The following SV2C variants were observed in gnomAD, a reference collection of about 807,000 sequenced individuals.
The protein encoded by SV2C is synaptic vesicle glycoprotein 2C.
SV2C carries 49 observed loss-of-function variants against 79.7 expected under a neutral mutation model. The observed-to-expected ratio is 0.61, with a 90% CI of 0.49 to 0.78. The LOEUF is 0.78. Among genes scored for constraint, SV2C ranks in the 30% least tolerant of loss-of-function variants. SV2C has a pLI of 0.00. For synonymous variants in SV2C, 334 were observed against 333.2 expected (o/e 1.00, Z -0.03); for missense variants, 833 against 912.9 (o/e 0.91, Z 1.13).
the SV2C span, among the ~76,000 whole-genome samples, chr5:76,059,726 C>T: frequency 6.6e-6 from 1 of 152,090 alleles, no homozygotes; most frequent in Admixed American, 6.6e-5. Context: ...TTGACTTCCT[C>T]CTATGAATCA....
At chr5:75,955,997 A>G in the SV2C span, among the ~76,000 whole-genome samples, 1 of 149,340 alleles carries the variant, frequency 6.7e-6, no homozygotes, top group African/African-American at 2.5e-5. Context: ...GCGATTCCTC[A>G]GGGATCTAGA....
intron 1 of SV2C, among the ~76,000 whole-genome samples, chr5:76,085,536 T>C (rs984585529): frequency 1.3e-5 from 2 of 150,720 alleles, no homozygotes; most frequent in Admixed American, 6.6e-5. Context: ...GGGGACGGGG[T>C]TGGGAAAAAA....
In SV2C at chr5:76,281,022, T is replaced by G. The variant is rs981509967; in HGVS notation, c.914-4140T>G. ...GGAGGCAGAAATGAGAAACAGTATC[T>G]TAGCCCAAGTTCTAAATCAGTCGGC... On this transcript the variant is annotated intron_variant, in intron 4 of 12. Coordinates refer to ENST00000502798, the MANE Select transcript of SV2C (RefSeq NM_014979.4). The G allele has an allele frequency of 1.1e-5, 6 of 540,374 alleles. No homozygotes were observed. In the African/African-American group the frequency reaches 1.2e-4, roughly 10 times the overall value. The allele number at this position is 540,374 out of a possible 1,614,324, so 33.5% of individuals were successfully genotyped here.
chr5:76,323,551 A>G (rs1200912077), intron 12 of SV2C, among the ~76,000 whole-genome samples: 1 of 152,236 alleles, frequency 6.6e-6, no homozygotes, highest in African/African-American at 2.4e-5. Context: ...TACCCAAAGG[A>G]ATATAAATCA....
intron 1 of SV2C, among the ~76,000 whole-genome samples, chr5:76,089,327 C>G (rs1253546575): frequency 2.0e-5 from 3 of 152,310 alleles, no homozygotes; most frequent in African/African-American, 7.2e-5. Flanking sequence ...TGGCTTTTAG[C>G]TCCATCCATG....
chr5:76,147,981 T>C (rs72773704), intron 2 of SV2C, among the ~76,000 whole-genome samples: 2,334 of 152,328 alleles, frequency 0.015, 27 homozygotes, highest in Non-Finnish European at 0.023. Context: ...TGCTGTCATT[T>C]TAACTGCCCC....
chr5:76,168,114 A>G (rs1255837725), intron 2 of SV2C, among the ~76,000 whole-genome samples: 1 of 152,098 alleles, frequency 6.6e-6, no homozygotes, highest in Non-Finnish European at 1.5e-5. Flanking sequence ...TCTTGACCCT[A>G]AACACAAGCT....
chr5:76,167,122 G>A (rs1743069611), intron 2 of SV2C, among the ~76,000 whole-genome samples: 1 of 152,224 alleles, frequency 6.6e-6, no homozygotes, highest in Admixed American at 6.5e-5. Context: ...CTACCGGAAA[G>A]GAGAATAGGC....
intron 1 of SV2C, among the ~76,000 whole-genome samples, chr5:76,103,502 G>C (rs1300322129): frequency 6.6e-6 from 1 of 152,106 alleles, no homozygotes; most frequent in Non-Finnish European, 1.5e-5. Flanking sequence ...TTAATCTCTG[G>C]AGTTTTCACC....
At chr5:75,911,499 G>C in the SV2C span, 85 of 765,824 alleles carry the variant, frequency 1.1e-4, 1 homozygote, top group Admixed American at 6.4e-4. Flanking sequence ...CCTCTGGAGG[G>C]GGTTCAACCA....
At chr5:76,017,795 T>C in the SV2C span, among the ~76,000 whole-genome samples, 2 of 152,202 alleles carry the variant, frequency 1.3e-5, no homozygotes, top group Non-Finnish European at 2.9e-5. Context: ...CTGCTGTTTC[T>C]GTGTCTGATT....
chr5:75,860,015 C>A, the SV2C span, among the ~76,000 whole-genome samples: 14 of 152,114 alleles, frequency 9.2e-5, no homozygotes, highest in South Asian at 4.1e-4. Context: ...CCCCTAGACC[C>A]GTCTTTTAAA....
chr5:76,143,001 A>G (rs958486857), intron 2 of SV2C, among the ~76,000 whole-genome samples: 12 of 150,814 alleles, frequency 8.0e-5, no homozygotes, highest in African/African-American at 1.5e-4. Flanking sequence ...GGTTCAAGCA[A>G]TTCTCCTGCC....
At chr5:76,132,521 C>T (rs983876572) in intron 2 of SV2C, among the ~76,000 whole-genome samples, 191 bp downstream of exon 2, 8 of 152,170 alleles carry the variant, frequency 5.3e-5, no homozygotes, top group Admixed American at 5.2e-4. Flanking sequence ...ATACCCACCA[C>T]CTAGATTCTG....
chr5:76,213,037 A>T (rs1487928881), intron 4 of SV2C, among the ~76,000 whole-genome samples: 1 of 152,228 alleles, frequency 6.6e-6, no homozygotes, highest in African/African-American at 2.4e-5. Flanking sequence ...GACACAACAA[A>T]ATTAAATGTC....
chr5:76,321,600 G>C (rs561384622), intron 12 of SV2C, among the ~76,000 whole-genome samples: 47 of 152,064 alleles, frequency 3.1e-4, no homozygotes, highest in Admixed American at 9.2e-4. Context: ...AATTAGCTGG[G>C]CATGGTGGTG....
intron 4 of SV2C, among the ~76,000 whole-genome samples, chr5:76,245,389 G>T (rs1745913499): frequency 6.6e-6 from 1 of 152,142 alleles, no homozygotes; most frequent in African/African-American, 2.4e-5. Flanking sequence ...TAGAAGCTCA[G>T]TTCATGCAAA....
the SV2C span, among the ~76,000 whole-genome samples, chr5:75,994,834 G>A: frequency 2.0e-5 from 3 of 152,124 alleles, no homozygotes; most frequent in Non-Finnish European, 2.9e-5. Flanking sequence ...AACGAGGACA[G>A]CTAGTGTTAT....
At chr5:75,853,279 G>A in the SV2C span, among the ~76,000 whole-genome samples, 7 of 152,016 alleles carry the variant, frequency 4.6e-5, no homozygotes, top group East Asian at 3.9e-4. Flanking sequence ...AAAATTGGCC[G>A]GGCGCGGTGG....
Sources: gnomAD v4.1 joint callset for allele counts (sites outside exome capture counted in the v4.1 genomes callset) on GRCh38, gnomAD v4.1.1 for gene constraint, MANE v1.5 for transcripts, NCBI Gene and HGNC (gene_info 2026-07-23, HGNC 2026-07-21) for gene names.